PMFBP1: variants seen among roughly 807,000 people sequenced by gnomAD.
PMFBP1 encodes the protein polyamine-modulated factor 1-binding protein 1.
In PMFBP1, 131 loss-of-function variants were observed where a neutral mutation model predicts 137.8. The observed-to-expected ratio is 0.95, with a 90% CI of 0.82 to 1.10. The LOEUF (loss-of-function observed/expected upper bound fraction) is 1.10, where lower values mean the gene tolerates loss of function less well. Ranked by LOEUF, PMFBP1 falls within the 50% of genes least tolerant of loss-of-function variation. The probability of loss-of-function intolerance (pLI) is 0.00; values close to 1 mark genes in which losing one functional copy is unlikely to be tolerated. For missense variants in PMFBP1, 1,199 were observed against 1,175.4 expected (o/e 1.02, Z -0.29); for synonymous variants, 490 against 450.4 (o/e 1.09, Z -1.11).
the PMFBP1 span, among the ~76,000 whole-genome samples, chr16:72,227,237 T>C: frequency 2.0e-5 from 3 of 152,336 alleles, no homozygotes; most frequent in South Asian, 2.1e-4. Flanking sequence ...CTGATTCCCC[T>C]TACATTTTGC....
At chr16:72,185,064 C>T in the PMFBP1 span, among the ~76,000 whole-genome samples, 1 of 151,416 alleles carries the variant, frequency 6.6e-6, no homozygotes, top group Non-Finnish European at 1.5e-5. Context: ...CGCTGTGTCA[C>T]CCAGGCTGGA....
the PMFBP1 span, among the ~76,000 whole-genome samples, chr16:72,227,040 A>C: frequency 6.6e-6 from 1 of 152,158 alleles, no homozygotes; most frequent in African/African-American, 2.4e-5. Flanking sequence ...AACTAAACCA[A>C]GAAGAATTTA....
In PMFBP1 at chr16:72,164,833, G is replaced by T; in HGVS notation, c.96C>A (p.Val32=). 1 of 1,610,296 alleles carries T rather than the reference G, an allele frequency of 6.2e-7. No homozygotes were observed. The highest frequency in any genetic ancestry group is 1.1e-5 in the South Asian group (1 of 91,000). The part of the protein sequence containing the change: ...LQLDIKNLHD[V]CKRQRKTLQD... ...GCAAGGTCTTCCTCTGTCTCTTGCA[G>T]ACATCGTGCAGATTCTTGATGTCAA... The change falls in exon 3 of 21, where the codon GTC becomes GTA. Residue 32 remains valine (V), a synonymous_variant. Transcript: ENST00000237353.
At chr16:72,120,118 T>C (rs952218097) in intron 19 of PMFBP1, 29 bp from the exon 20 acceptor site, 5 of 1,613,868 alleles carry the variant, frequency 3.1e-6, no homozygotes, top group African/African-American at 1.3e-5. Flanking sequence ...GGACGGGTTG[T>C]GTTGGGGCTG....
chr16:72,130,088 C>G, intron 12 of PMFBP1, 125 bp downstream of exon 12: 2 of 1,298,414 alleles, frequency 1.5e-6, no homozygotes, highest in Non-Finnish European at 2.1e-6. Flanking sequence ...CCCCTGGGCT[C>G]AAGTGATCTG....
chr16:72,232,318 G>A, the PMFBP1 span, among the ~76,000 whole-genome samples: 5 of 152,146 alleles, frequency 3.3e-5, no homozygotes, highest in Non-Finnish European at 7.4e-5. Flanking sequence ...GCTATATGCA[G>A]GCTTCTTGCT....
At chr16:72,157,881 A>C (rs571325498) in intron 3 of PMFBP1, among the ~76,000 whole-genome samples, 1 of 152,322 alleles carries the variant, frequency 6.6e-6, no homozygotes, top group East Asian at 1.9e-4. Flanking sequence ...TTGAAATGAC[A>C]GGACATAGGA....
At chr16:72,207,710 A>ATGTGTGTGTGTGTGTGTGTGTGTG in the PMFBP1 span, among the ~76,000 whole-genome samples, 53 of 143,914 alleles carry the variant, frequency 3.7e-4, no homozygotes, top group African/African-American at 7.6e-4. Flanking sequence ...CCAGTAGGGC[A>ATGTGTGTGTGTGTGTGTGTGTGTG]TGTGTGTGTG....
chr16:72,152,926 T>C (rs2042924220), intron 4 of PMFBP1, among the ~76,000 whole-genome samples: 2 of 151,050 alleles, frequency 1.3e-5, no homozygotes, highest in African/African-American at 4.9e-5. Flanking sequence ...ATGGAAGCCC[T>C]GAGCTGATGC....
chr16:72,132,735 G>T lies in PMFBP1; in HGVS notation c.1447+13C>A. On this transcript the variant is annotated intron_variant, in intron 10 of 20. Coordinates refer to ENST00000237353, the MANE Select transcript of PMFBP1 (RefSeq NM_031293.3). ...AGAAAAGTGTGGTGGGACAGCACCT[G>T]CAGGGGCCTCACCAGCCAGCCTCTC... 2 of 1,614,134 alleles carry T rather than the reference G, an allele frequency of 1.2e-6. No homozygotes were observed. Among genetic ancestry groups the T allele is most frequent in the Non-Finnish European group, 1.7e-6 (2 of 1,180,008 alleles).
At chr16:72,186,534 C>T in the PMFBP1 span, among the ~76,000 whole-genome samples, 27 of 152,014 alleles carry the variant, frequency 1.8e-4, no homozygotes, top group Non-Finnish European at 2.9e-4. Context: ...CTAGAGGCAA[C>T]AGGGAGCCAT....
intron 3 of PMFBP1, among the ~76,000 whole-genome samples, chr16:72,157,057 C>T (rs1478854323): frequency 1.3e-5 from 2 of 151,276 alleles, no homozygotes; most frequent in African/African-American, 2.4e-5. Flanking sequence ...GGTGTGGTGG[C>T]GGGCGCCTGT....
chr16:72,222,929 A>G, the PMFBP1 span, among the ~76,000 whole-genome samples: 15 of 152,264 alleles, frequency 9.9e-5, no homozygotes, highest in South Asian at 2.9e-3. Flanking sequence ...TTCTGGGGAC[A>G]GCTGCAGTCT....
the PMFBP1 span, among the ~76,000 whole-genome samples, chr16:72,193,041 A>G: frequency 1.2e-4 from 18 of 152,208 alleles, no homozygotes; most frequent in African/African-American, 4.3e-4. Flanking sequence ...CAATTATATA[A>G]TAACAACAGT....
Position 72,119,371 on chromosome 16 carries a change from G to A in PMFBP1, c.3008-17C>T, listed in dbSNP as rs754826221. Reference sequence around the variant, plus strand: ...ATGAGGAACCTGAGGGAACAGGGAGGAAATGAGAGTTTTGATTCGAGGAGA... The same window carrying A: ...ATGAGGAACCTGAGGGAACAGGGAGAAAATGAGAGTTTTGATTCGAGGAGA... On this transcript the variant is annotated splice_polypyrimidine_tract_variant and intron_variant, in intron 20 of 20. Coordinates refer to ENST00000237353, the MANE Select transcript of PMFBP1 (RefSeq NM_031293.3). 2 of 1,614,102 alleles carry A rather than the reference G, an allele frequency of 1.2e-6. No individual in the cohort carries two copies. The highest frequency in any genetic ancestry group is 4.5e-5 in the East Asian group (2 of 44,884).
At chr16:72,213,905 G>A in the PMFBP1 span, among the ~76,000 whole-genome samples, 1 of 152,132 alleles carries the variant, frequency 6.6e-6, no homozygotes, top group East Asian at 1.9e-4. Flanking sequence ...TCACTACTTG[G>A]CTCCACAGTG....
intron 5 of PMFBP1, among the ~76,000 whole-genome samples, chr16:72,144,138 C>T (rs984218734): frequency 3.3e-5 from 5 of 151,772 alleles, no homozygotes; most frequent in Admixed American, 2.0e-4. Context: ...GCAAGAAATA[C>T]GTGAGATCTA....
rs2144278900 is a variant in PMFBP1 at position 72,130,290 on chromosome 16, C to T, written c.1705G>A (p.Glu569Lys). 7 of 1,614,194 alleles carry T rather than the reference C, an allele frequency of 4.3e-6. No homozygotes were observed. Among genetic ancestry groups the T allele is most frequent in the Non-Finnish European group, 5.1e-6 (6 of 1,180,036 alleles). ...ALRKLENSDK[E>K]KRQLQKTVAE... ...ACTGTCTTCTGAAGCTGCCTCTTTT[C>T]CTTGTCTGAATTTTCAAGCTTCCTC... Residue 569 changes from glutamate to lysine, a missense_variant, in exon 12 of 21, where the codon GAA becomes AAA. Transcript: ENST00000237353.
At chr16:72,222,270 C>T in the PMFBP1 span, among the ~76,000 whole-genome samples, 1 of 152,118 alleles carries the variant, frequency 6.6e-6, no homozygotes, top group Non-Finnish European at 1.5e-5. Context: ...CCATGCCTGG[C>T]ATAACCCTGG....
Sources: allele counts gnomAD v4.1 joint callset (sites outside exome capture counted in the v4.1 genomes callset), GRCh38; gene constraint gnomAD v4.1.1; transcripts MANE v1.5; gene names NCBI Gene and HGNC (gene_info 2026-07-23, HGNC 2026-07-21).